The following HIF1A variants were observed in gnomAD, a reference collection of about 807,000 sequenced individuals.
The protein encoded by HIF1A is hypoxia inducible factor 1 subunit alpha.
A neutral mutation model predicts 92.7 loss-of-function variants in HIF1A; 24 were observed. The observed-to-expected ratio is 0.26, with a 90% CI of 0.19 to 0.36. HIF1A has a LOEUF of 0.36. Among genes scored for constraint, HIF1A ranks in the 10% least tolerant of loss-of-function variants. HIF1A has a pLI of 1.00. For missense variants in HIF1A, 799 were observed against 998.5 expected (o/e 0.80, Z 2.69); for synonymous variants, 319 against 338.7 (o/e 0.94, Z 0.64).
Position 61,738,174 on chromosome 14 carries a change from T to G in HIF1A, c.1337T>G (p.Ile446Arg), listed in dbSNP as rs760294729. Residue 446 changes from isoleucine (I) to arginine (R), a missense_variant, in exon 10 of 15, where the codon ATA becomes AGA. Coordinates refer to ENST00000337138, the MANE Select transcript of HIF1A (RefSeq NM_001530.4). Reference sequence around the variant, plus strand: ...TCACCCAACGAAAAATTACAGAATATAAATTTGGCAATGTCTCCATTACCC... The same window carrying G: ...TCACCCAACGAAAAATTACAGAATAGAAATTTGGCAATGTCTCCATTACCC... ...LPSPNEKLQNINLAMSPLPTA... is the reference protein window; with the variant it reads ...LPSPNEKLQNRNLAMSPLPTA... 5 of 1,613,834 alleles carry G rather than the reference T, an allele frequency of 3.1e-6. No individual in the cohort carries two copies. The South Asian group carries it at 5.5e-5, about 18-fold the overall frequency.
chr14:61,734,608 T>C (rs978264025), intron 8 of HIF1A, among the ~76,000 whole-genome samples: 1 of 152,192 alleles, frequency 6.6e-6, no homozygotes, highest in Non-Finnish European at 1.5e-5. Context: ...AAGACAGCTG[T>C]GTTCTTTTTG....
chr14:61,710,872 AAC>A (rs1349065216), intron 1 of HIF1A, among the ~76,000 whole-genome samples: 1 of 152,128 alleles, frequency 6.6e-6, no homozygotes, highest in Non-Finnish European at 1.5e-5. Context: ...CAGCCTGGCC[AAC>A]ATAGTGAAAC....
intron 6 of HIF1A, among the ~76,000 whole-genome samples, chr14:61,728,966 G>A (rs2044541000): frequency 6.6e-6 from 1 of 151,486 alleles, no homozygotes; most frequent in African/African-American, 2.4e-5. Flanking sequence ...AAGAAGATGT[G>A]TATTTTAGAA....
chr14:61,711,664 G>T (rs1314996573), intron 1 of HIF1A, among the ~76,000 whole-genome samples: 1 of 152,170 alleles, frequency 6.6e-6, no homozygotes, highest in Non-Finnish European at 1.5e-5. Flanking sequence ...ACTTCAGGAA[G>T]ATGACACTGC....
At chr14:61,729,496 A>G (rs2140144758) in intron 6 of HIF1A, among the ~76,000 whole-genome samples, 1 of 151,734 alleles carries the variant, frequency 6.6e-6, no homozygotes, top group Admixed American at 6.6e-5. Context: ...AAGACCTCAG[A>G]AGGATGTTGT....
chr14:61,699,325 T>C (rs2044151043), intron 1 of HIF1A, among the ~76,000 whole-genome samples: 1 of 152,216 alleles, frequency 6.6e-6, no homozygotes, highest in Non-Finnish European at 1.5e-5. Context: ...TTCCATTGTC[T>C]TTACTTTTAA....
intron 4 of HIF1A, 59 bp from the exon 5 acceptor site, chr14:61,726,647 T>C: frequency 9.2e-7 from 1 of 1,088,482 alleles, no homozygotes; most frequent in Non-Finnish European, 1.3e-6. Context: ...TTTGTTACTT[T>C]TATTGTAACA....
intron 1 of HIF1A, chr14:61,697,716 A>G: frequency 7.8e-7 from 1 of 1,276,750 alleles, no homozygotes; most frequent in Non-Finnish European, 9.9e-7. Flanking sequence ...ACACTTAATA[A>G]GTGGTGGTTA....
At chr14:61,705,847 T>C (rs2044233707) in intron 1 of HIF1A, among the ~76,000 whole-genome samples, 1 of 152,198 alleles carries the variant, frequency 6.6e-6, no homozygotes, top group African/African-American at 2.4e-5. Context: ...GGAGAGCTGC[T>C]CCTTTGTCAT....
chr14:61,734,166 A>G lies in HIF1A; in HGVS notation c.909A>G (p.Gly303=), dbSNP rs1314379742. 2 of 1,609,986 alleles carry G rather than the reference A, an allele frequency of 1.2e-6. No homozygotes were observed. The change falls in exon 8 of 15, where the codon GGA becomes GGG. Residue 303 remains glycine (G), a synonymous_variant. Transcript: ENST00000337138. ...DMFTKGQVTT[G]QYRMLAKRGG... ...TTACTAAAGGACAAGTCACCACAGG[A>G]CAGTACAGGATGCTTGCCAAAAGAG...
intron 10 of HIF1A, among the ~76,000 whole-genome samples, chr14:61,739,014 G>T (rs1164850417): frequency 6.6e-6 from 1 of 152,086 alleles, no homozygotes. Context: ...GCCTCCCAAA[G>T]TACTAGGATT....
At chr14:61,735,637 G>A (rs1164019436) in intron 8 of HIF1A, among the ~76,000 whole-genome samples, 1 of 152,186 alleles carries the variant, frequency 6.6e-6, no homozygotes, top group East Asian at 1.9e-4. Context: ...ATTTCAGATA[G>A]TGAACATTTA....
intron 12 of HIF1A, among the ~76,000 whole-genome samples, chr14:61,744,264 C>G (rs1276421139): frequency 6.6e-5 from 10 of 152,110 alleles, no homozygotes; most frequent in Admixed American, 3.9e-4. Flanking sequence ...GGTGCTCACG[C>G]CTGTAATCCC....
intron 1 of HIF1A, among the ~76,000 whole-genome samples, chr14:61,718,536 T>C (rs1353081550): frequency 2.0e-5 from 3 of 152,200 alleles, no homozygotes; most frequent in African/African-American, 4.8e-5. Flanking sequence ...ATCATCATAC[T>C]TGTTTTTTTA....
intron 1 of HIF1A, 130 bp downstream of exon 1, chr14:61,695,969 C>T: frequency 1.3e-6 from 1 of 792,398 alleles, no homozygotes; most frequent in Non-Finnish European, 2.0e-6. Context: ...TGCTGCTGCT[C>T]CCCTCCCCTC....
chr14:61,704,972 A>C (rs527748844), intron 1 of HIF1A, among the ~76,000 whole-genome samples: 1 of 152,204 alleles, frequency 6.6e-6, no homozygotes, highest in South Asian at 2.1e-4. Flanking sequence ...TTTGGGTTTA[A>C]GTTTTGTTAT....
At chr14:61,698,016 C>T in intron 1 of HIF1A, 1 of 903,574 alleles carries the variant, frequency 1.1e-6, no homozygotes. Flanking sequence ...GTTATAGGGG[C>T]TGAACTTATT....
intron 13 of HIF1A, 73 bp downstream of exon 13, chr14:61,744,886 TG>T: frequency 1.5e-6 from 1 of 646,484 alleles, no homozygotes; most frequent in Non-Finnish European, 2.7e-6. Flanking sequence ...TGTGTGTGTG[TG>T]TGTGTGTTTC....
intron 1 of HIF1A, among the ~76,000 whole-genome samples, chr14:61,707,954 C>A (rs563410430): frequency 5.9e-5 from 9 of 152,220 alleles, no homozygotes; most frequent in African/African-American, 2.2e-4. Flanking sequence ...TTCTCCACAT[C>A]CTCTCCAGCA....
Sources: gnomAD v4.1 joint callset for allele counts (sites outside exome capture counted in the v4.1 genomes callset) on GRCh38, gnomAD v4.1.1 for gene constraint, MANE v1.5 for transcripts, NCBI Gene and HGNC (gene_info 2026-07-23, HGNC 2026-07-21) for gene names.